TAOK2: variants seen among roughly 807,000 people sequenced by gnomAD.
TAOK2 encodes TAO kinase 2.
Under a neutral mutation model 122.5 loss-of-function variants are expected in TAOK2, and 42 were observed. That is an observed-to-expected ratio of 0.34 (90% confidence interval 0.27 to 0.44). The LOEUF (loss-of-function observed/expected upper bound fraction) is 0.44. Among genes scored for constraint, TAOK2 ranks in the 20% least tolerant of loss-of-function variants. The probability of loss-of-function intolerance (pLI) is 1.00; values close to 1 mark genes in which losing one functional copy is unlikely to be tolerated. For synonymous variants in TAOK2, 704 were observed against 677.6 expected (o/e 1.04, Z -0.61); for missense variants, 1,264 against 1,644.9 (o/e 0.77, Z 4.01).
intron 8 of TAOK2, 117 bp from the exon 9 acceptor site, chr16:29,981,544 G>C (rs766629588): frequency 6.8e-6 from 6 of 886,770 alleles, no homozygotes; most frequent in Non-Finnish European, 1.1e-5. Flanking sequence ...ACTTCTCAAG[G>C]TCATGTGGCA....
Position 29,985,941 on chromosome 16 carries a change from G to A in TAOK2, c.1992+80G>A. 6.7e-7 allele frequency: 1 copy of A among 1,498,502 alleles called. No homozygotes were observed. Among genetic ancestry groups the A allele is most frequent in the Non-Finnish European group, 9.1e-7 (1 of 1,101,962 alleles). The allele number at this position is 1,498,502 out of a possible 1,614,324, so 92.8% of individuals were successfully genotyped here. ...ACCCTTTTCCATTTTCCTCATTCTTGTCTTCTTTCTCCTTGGCCCTCGAGT... is the reference window on the plus strand; with the variant it reads ...ACCCTTTTCCATTTTCCTCATTCTTATCTTCTTTCTCCTTGGCCCTCGAGT... On this transcript the variant is annotated intron_variant, in intron 15 of 15. Transcript: ENST00000308893. This position sits in a 1 kb window ranked among gnomAD's most constrained non-coding sequence, Gnocchi z 6.9.
At position 29,987,318 on chromosome 16, in the gene TAOK2, CT is replaced by C; in HGVS notation, c.3050del (p.Phe1017SerfsTer16). On this transcript the variant is annotated frameshift_variant, in exon 16 of 16. Coordinates refer to ENST00000308893, the MANE Select transcript of TAOK2 (RefSeq NM_016151.4). LOFTEE classifies it high-confidence loss of function. ...TACAGCCCTGCACCTGCCCTCCAGT[CT>C]TTTCCTACTCCTGGCCCAGGGTACC... ...LCTALHLPSS[L>X]FLLLAQGTAL... 1.3e-6 allele frequency: 2 copies of C among 1,526,612 alleles called. No homozygotes were observed. Among genetic ancestry groups the C allele is most frequent in the Non-Finnish European group, 1.8e-6 (2 of 1,139,546 alleles). The allele number at this position is 1,526,612 out of a possible 1,614,324, so 94.6% of individuals were successfully genotyped here.
downstream of TAOK2, chr16:29,991,034 C>T (rs112619279): frequency 1.2e-3 from 1,947 of 1,576,454 alleles, 21 homozygotes; most frequent in African/African-American, 0.024. This position sits in a 1 kb window ranked among gnomAD's most constrained non-coding sequence, Gnocchi z 5.6. Flanking sequence ...AACCTCTGTT[C>T]CGGATGCCCC....
At position 29,986,253 on chromosome 16, in the gene TAOK2, C is replaced by A; in HGVS notation, c.1993-12C>A. ...TGACCAGGCCCCGGGCCCTGCATTT[C>A]TTCTGCCTCAGGACCTGAACAAGAA... On this transcript the variant is annotated splice_polypyrimidine_tract_variant and intron_variant, in intron 15 of 15. Coordinates refer to ENST00000308893, the MANE Select transcript of TAOK2 (RefSeq NM_016151.4). This position sits in a 1 kb window ranked among gnomAD's most constrained non-coding sequence, Gnocchi z 4.2. 6.6e-7 allele frequency: 1 copy of A among 1,509,040 alleles called. No individual in the cohort carries two copies. Among genetic ancestry groups the A allele is most frequent in the South Asian group, 1.3e-5 (1 of 74,272 alleles). 93.5% of individuals were successfully genotyped at this position (1,509,040 alleles called of 1,614,324 possible). A position where few individuals can be genotyped will look rare whatever the true frequency, so the allele number is the denominator to read the frequency against.
At chr16:29,988,524 C>T (rs2069887960), downstream of TAOK2, 4 of 1,170,922 alleles carry the variant, frequency 3.4e-6, no homozygotes, top group Non-Finnish European at 4.3e-6. Context: ...AGCCCCCTCA[C>T]TCCTCCAGCC....
chr16:29,988,570 G>A, downstream of TAOK2: 1 of 985,302 alleles, frequency 1.0e-6, no homozygotes, highest in Non-Finnish European at 1.2e-6. Context: ...ATTGCACCAT[G>A]ACCACCACCG....
At position 29,983,084 on chromosome 16, in the gene TAOK2, T is replaced by C; in HGVS notation, c.1012T>C (p.Tyr338His). The C allele has an allele frequency of 1.9e-6, 3 of 1,613,904 alleles. No individual in the cohort carries two copies. The highest frequency in any genetic ancestry group is 1.7e-5 in the Admixed American group (1 of 60,012). Residue 338 changes from tyrosine to histidine, a missense_variant, in exon 12 of 16, where the codon TAC (tyrosine) becomes CAC (histidine). Physicochemically the swap from Tyr to His is moderately conservative, Grantham distance 83 (BLOSUM62 2). Transcript: ENST00000308893. ...APEEEEEAEPYMHRAGTLTSL... is the reference protein window; with the variant it reads ...APEEEEEAEPHMHRAGTLTSL... ...GCCCTGTTCGCAGGAGGCCGAGCCC[T>C]ACATGCACCGGGCCGGGACTCTGAC...
chr16:29,991,413 C>T, downstream of TAOK2: 3 of 1,544,500 alleles, frequency 1.9e-6, no homozygotes, highest in Non-Finnish European at 2.6e-6. This position sits in a 1 kb window ranked among gnomAD's most constrained non-coding sequence, Gnocchi z 5.6. Context: ...CCTGCTGCTG[C>T]TAAGAAACAG....
downstream of TAOK2, chr16:29,991,577 G>C: frequency 6.8e-7 from 1 of 1,460,794 alleles, no homozygotes; most frequent in Non-Finnish European, 9.0e-7. The surrounding 1 kb of genome is among the most constrained non-coding windows in gnomAD (Gnocchi z 5.6). Flanking sequence ...GAGGTGCAGC[G>C]GGGAGGAGCA....
rs757236960 is a variant in TAOK2 at position 29,978,139 on chromosome 16, C to T, written c.183C>T (p.Tyr61=). The stretch of plus-strand genomic sequence containing the variant: ...TGGTGGCCATCAAGAAGATGTCCTA[C>T]AGTGGGAAGCAGTCCAATGAGGTGG... ...SEVVAIKKMS[Y]SGKQSNEKWQ... The change falls in exon 3 of 16, where the codon TAC becomes TAT. Residue 61 remains tyrosine, a synonymous_variant. Transcript: ENST00000308893. 1 of 1,614,114 alleles carries T rather than the reference C, an allele frequency of 6.2e-7. No individual in the cohort carries two copies. The highest frequency in any genetic ancestry group is 8.5e-7 in the Non-Finnish European group (1 of 1,180,014).
chr16:29,989,800 C>G, downstream of TAOK2: 1 of 1,613,500 alleles, frequency 6.2e-7, no homozygotes, highest in Non-Finnish European at 8.5e-7. Context: ...GCTCAGCTCA[C>G]AGGCGGTGAG....
At chr16:29,988,659 A>C (rs991873139), downstream of TAOK2, 126 of 985,200 alleles carry the variant, frequency 1.3e-4, 1 homozygote, top group Non-Finnish European at 1.3e-4. Context: ...TTCCTTCCAG[A>C]GGTCTTAGTT....
chr16:29,977,718 G>A lies in TAOK2; in HGVS notation c.-35-20G>A, dbSNP rs1055469995. On this transcript the variant is annotated intron_variant, in intron 1 of 15. Transcript: ENST00000308893. ...AAGGCTCAATCCTTGATCTCTAAGG[G>A]TCCCATTTCCATTCCTCAGGCCAGG... 47 of 1,602,752 alleles carry A rather than the reference G, an allele frequency of 2.9e-5. No homozygotes were observed. In the South Asian group the frequency reaches 5.1e-4, roughly 17 times the overall value.
intron 13 of TAOK2, among the ~76,000 whole-genome samples, chr16:29,984,924 C>T (rs1011497860): frequency 6.6e-6 from 1 of 152,146 alleles, no homozygotes; most frequent in African/African-American, 2.4e-5. Context: ...GGGATTTGAT[C>T]CCAGGTATGT....
downstream of TAOK2, chr16:29,991,223 AC>A: frequency 6.2e-7 from 1 of 1,609,742 alleles, no homozygotes. The surrounding 1 kb of genome is among the most constrained non-coding windows in gnomAD (Gnocchi z 5.6). Context: ...ATCCTGCTCC[AC>A]CCCCTGCCCC....
In TAOK2 at chr16:29,987,532, G is replaced by A. The variant is rs925207056; in HGVS notation, c.3260G>A (p.Arg1087Gln). The change falls in exon 16 of 16, where the codon CGG becomes CAG. Residue 1087 changes from arginine to glutamine, a missense_variant. Arg to Gln is a conservative substitution (Grantham distance 43, BLOSUM62 1). Transcript: ENST00000308893. ...CGGGGCATATCTCGACTCTGGTTGC[G>A]GGTTCTGCTGCGCCTGTCACCCATG... Reference protein sequence around the residue: ...VRRGISRLWLRVLLRLSPMAF... With the variant: ...VRRGISRLWLQVLLRLSPMAF... 6.2e-6 allele frequency: 10 copies of A among 1,611,026 alleles called. No individual in the cohort carries two copies. The highest frequency in any genetic ancestry group is 2.2e-5 in the East Asian group (1 of 44,818).
At chr16:29,990,933 G>T, downstream of TAOK2, 1 of 1,613,302 alleles carries the variant, frequency 6.2e-7, no homozygotes. Flanking sequence ...TGGAGCAGAG[G>T]GTCGCGCTGC....
rs923962168 is a variant in TAOK2, at chr16:29,986,144, C to T, written c.1993-121C>T. On this transcript the variant is annotated intron_variant, in intron 15 of 15. Coordinates refer to ENST00000308893, the MANE Select transcript of TAOK2 (RefSeq NM_016151.4). The surrounding 1 kb of genome is among the most constrained non-coding windows in gnomAD (Gnocchi z 4.2). Reference sequence around the variant, plus strand: ...GCCCTGGCCCCTCACTTCCTTGATACTGACCAGGCCCTGGGCCCTGTGTTT... The same window carrying T: ...GCCCTGGCCCCTCACTTCCTTGATATTGACCAGGCCCTGGGCCCTGTGTTT... The T allele has an allele frequency of 1.5e-5, 21 of 1,428,714 alleles. No homozygotes were observed. The highest frequency in any genetic ancestry group is 1.1e-5 in the Non-Finnish European group (12 of 1,060,714). 88.5% of individuals were successfully genotyped at this position (1,428,714 alleles called of 1,614,324 possible).
chr16:29,976,216 G>T (rs548406674), intron 1 of TAOK2, among the ~76,000 whole-genome samples: 14 of 152,306 alleles, frequency 9.2e-5, no homozygotes, highest in Non-Finnish European at 2.1e-4. Context: ...CTGCCTTTGT[G>T]TGTGGGTGTG....
Sources: allele counts gnomAD v4.1 joint callset (sites outside exome capture counted in the v4.1 genomes callset), GRCh38; gene constraint gnomAD v4.1.1; non-coding constraint Gnocchi (gnomAD v3.1); transcripts MANE v1.5; gene names NCBI Gene and HGNC (gene_info 2026-07-23, HGNC 2026-07-21).